DYNC2I1: variants seen among roughly 807,000 people sequenced by gnomAD.
DYNC2I1 encodes the protein dynein 2 intermediate chain 1.
DYNC2I1 carries 89 observed loss-of-function variants against 133.4 expected under a neutral mutation model. The observed-to-expected ratio is 0.67, with a 90% CI of 0.56 to 0.80. The LOEUF is 0.80. Ranked by LOEUF, DYNC2I1 falls within the 30% of genes least tolerant of loss-of-function variation. DYNC2I1 has a pLI of 0.00. For synonymous variants in DYNC2I1, 504 were observed against 484.3 expected (o/e 1.04, Z -0.54); for missense variants, 1,291 against 1,314.5 (o/e 0.98, Z 0.28).
chr7:158,938,388 T>C (rs1406589984), intron 23 of DYNC2I1, among the ~76,000 whole-genome samples: 1 of 152,132 alleles, frequency 6.6e-6, no homozygotes, highest in Non-Finnish European at 1.5e-5. Context: ...CATTCAAATA[T>C]GAGGGAGGGT....
At chr7:158,898,479 G>C (rs1467937351) in intron 8 of DYNC2I1, among the ~76,000 whole-genome samples, 1 of 152,190 alleles carries the variant, frequency 6.6e-6, no homozygotes, top group Non-Finnish European at 1.5e-5. Flanking sequence ...TTATCATTGT[G>C]TAATGCCCTT....
chr7:158,938,387 A>G (rs1850978199), intron 23 of DYNC2I1, among the ~76,000 whole-genome samples: 1 of 152,290 alleles, frequency 6.6e-6, no homozygotes, highest in East Asian at 1.9e-4. Context: ...TCATTCAAAT[A>G]TGAGGGAGGG....
chr7:158,841,217 A>ATTT, the DYNC2I1 span, among the ~76,000 whole-genome samples: 2 of 69,128 alleles, frequency 2.9e-5, no homozygotes, highest in African/African-American at 1.2e-4. Flanking sequence ...ATATATATAT[A>ATTT]TATATTTTAG....
downstream of DYNC2I1, among the ~76,000 whole-genome samples, chr7:158,958,412 C>G (rs1852254910): frequency 6.6e-6 from 1 of 152,226 alleles, no homozygotes; most frequent in African/African-American, 2.4e-5. Context: ...GTTCTGTGCG[C>G]GGATCAGCTG....
At chr7:158,867,722 G>A (rs954764620) in intron 1 of DYNC2I1, among the ~76,000 whole-genome samples, 2 of 152,134 alleles carry the variant, frequency 1.3e-5, no homozygotes, top group Non-Finnish European at 2.9e-5. Context: ...CTTCTGACGT[G>A]TGGGCTGGTG....
intron 4 of DYNC2I1, among the ~76,000 whole-genome samples, chr7:158,955,836 C>T (rs141937326): frequency 6.6e-6 from 1 of 152,206 alleles, no homozygotes; most frequent in Non-Finnish European, 1.5e-5. Context: ...CTGTGGGGAG[C>T]CACAAAGCTG....
downstream of DYNC2I1, among the ~76,000 whole-genome samples, chr7:158,948,779 C>T (rs528409153): frequency 1.4e-4 from 21 of 152,246 alleles, no homozygotes; most frequent in African/African-American, 4.6e-4. Context: ...GGTCCAGTCG[C>T]GGCTGTGGTT....
chr7:158,839,373 C>G, the DYNC2I1 span, among the ~76,000 whole-genome samples: 1 of 143,306 alleles, frequency 7.0e-6, no homozygotes, highest in African/African-American at 2.8e-5. Flanking sequence ...CTCCGTAACA[C>G]CTGACTGCAA....
intron 16 of DYNC2I1, 81 bp downstream of exon 16, chr7:158,922,630 A>G: frequency 7.1e-7 from 1 of 1,406,562 alleles, no homozygotes; most frequent in Non-Finnish European, 9.7e-7. Flanking sequence ...GGGGAGAGTC[A>G]CGGAGAGAGG....
chr7:158,912,948 A>G, intron 12 of DYNC2I1, 37 bp from the exon 13 acceptor site: 1 of 1,482,550 alleles, frequency 6.7e-7, no homozygotes, highest in Non-Finnish European at 9.3e-7. Flanking sequence ...TCCGAAATTG[A>G]AACCAATGTT....
upstream of DYNC2I1, among the ~76,000 whole-genome samples, chr7:158,852,625 G>A (rs898354827): frequency 6.6e-6 from 1 of 151,532 alleles, no homozygotes; most frequent in Non-Finnish European, 1.5e-5. Context: ...TGCAGTCCCA[G>A]CCAGTCAGGA....
chr7:158,882,100 C>T (rs745912866), intron 5 of DYNC2I1, among the ~76,000 whole-genome samples: 1 of 152,078 alleles, frequency 6.6e-6, no homozygotes, highest in South Asian at 2.1e-4. Context: ...CAAATTAGTC[C>T]CAGAAGAAAG....
chr7:158,912,749 G>A (rs564372220), intron 12 of DYNC2I1, among the ~76,000 whole-genome samples: 4 of 152,324 alleles, frequency 2.6e-5, no homozygotes, highest in East Asian at 1.9e-4. Context: ...GGCAGGTGAG[G>A]TGGCAGTATT....
chr7:158,931,218 G>A (rs1337035105), intron 21 of DYNC2I1, among the ~76,000 whole-genome samples: 22 of 152,104 alleles, frequency 1.4e-4, no homozygotes, highest in Admixed American at 1.4e-3. Flanking sequence ...CTTCACAAAT[G>A]TACAAATATT....
downstream of DYNC2I1, among the ~76,000 whole-genome samples, chr7:158,949,897 A>G (rs1278824200): frequency 6.6e-6 from 1 of 151,792 alleles, no homozygotes; most frequent in Non-Finnish European, 1.5e-5. Flanking sequence ...TCAGCCTCCC[A>G]AGTATCTGGG....
intron 7 of DYNC2I1, among the ~76,000 whole-genome samples, chr7:158,888,392 A>T (rs1409659028): frequency 6.6e-6 from 1 of 151,652 alleles, no homozygotes; most frequent in Non-Finnish European, 1.5e-5. Flanking sequence ...CTGGAGAATA[A>T]TTTTTTCTTC....
intron 17 of DYNC2I1, among the ~76,000 whole-genome samples, chr7:158,924,510 TAAA>T (rs1361909063): frequency 6.6e-6 from 1 of 152,358 alleles, no homozygotes; most frequent in African/African-American, 2.4e-5. Flanking sequence ...GGCCACTTTT[TAAA>T]TTCCCCAACC....
At chr7:158,839,646 C>T in the DYNC2I1 span, among the ~76,000 whole-genome samples, 3 of 152,046 alleles carry the variant, frequency 2.0e-5, no homozygotes, top group East Asian at 1.9e-4. Flanking sequence ...GGTGAAACCC[C>T]GTCTCTACTA....
intron 9 of DYNC2I1, 59 bp downstream of exon 9, chr7:158,901,875 C>A: frequency 1.6e-6 from 2 of 1,245,900 alleles, no homozygotes; most frequent in Non-Finnish European, 2.2e-6. Context: ...TAAAAATCAG[C>A]TTATATATAG....
Sources: allele counts gnomAD v4.1 joint callset (sites outside exome capture counted in the v4.1 genomes callset), GRCh38; gene constraint gnomAD v4.1.1; transcripts MANE v1.5; gene names NCBI Gene and HGNC (gene_info 2026-07-23, HGNC 2026-07-21).